The following MRAP2 variants were observed in gnomAD, a reference collection of about 807,000 sequenced individuals.
MRAP2 encodes melanocortin 2 receptor accessory protein 2.
In MRAP2, 20 loss-of-function variants were observed where a neutral mutation model predicts 17.4. The observed-to-expected ratio is 1.15, with a 90% confidence interval of 0.81 to 1.67. The LOEUF is 1.67. Among genes scored for constraint, MRAP2 ranks in the 40% most tolerant of loss-of-function variants. The pLI, the probability that MRAP2 is intolerant of heterozygous loss-of-function variation, is 0.00. For missense variants in MRAP2, 238 were observed against 240.0 expected (o/e 0.99, Z 0.05); for synonymous variants, 96 against 88.4 (o/e 1.09, Z -0.48).
At chr6:84,124,918 G>T in the MRAP2 span, 30 of 667,770 alleles carry the variant, frequency 4.5e-5, no homozygotes, top group African/African-American at 1.1e-4. Context: ...TTTCTTATTG[G>T]TTAAAGGCAA....
chr6:84,080,952 T>A (rs1003330496), intron 3 of MRAP2, among the ~76,000 whole-genome samples: 1 of 152,202 alleles, frequency 6.6e-6, no homozygotes, highest in African/African-American at 2.4e-5. Flanking sequence ...TATATCTAGG[T>A]ACAGTATGTA....
rs902521465 is a variant in MRAP2 at position 84,090,517 on chromosome 6, C to T, written c.*1036C>T. On this transcript the variant is annotated 3_prime_UTR_variant, in exon 4 of 4. Coordinates refer to ENST00000257776, the MANE Select transcript of MRAP2 (RefSeq NM_138409.4). Reference sequence around the variant, plus strand: ...CTTGTCAGCTGAATGAGAGGAGGTGCCTTCTGGGTATCTCTGTGTTGGTGT... The same window carrying T: ...CTTGTCAGCTGAATGAGAGGAGGTGTCTTCTGGGTATCTCTGTGTTGGTGT... The T allele has an allele frequency of 1.3e-5, 2 of 152,196 alleles. No homozygotes were observed. Among genetic ancestry groups the T allele is most frequent in the Non-Finnish European group, 2.9e-5 (2 of 68,072 alleles). 9.4% of individuals were successfully genotyped at this position (152,196 alleles called of 1,614,324 possible).
the MRAP2 span, among the ~76,000 whole-genome samples, chr6:84,135,438 C>T: frequency 8.7e-5 from 13 of 149,008 alleles, no homozygotes; most frequent in Admixed American, 6.0e-4. Context: ...ACAATCTGTG[C>T]GTAGCCCAGA....
chr6:84,125,028 T>A, the MRAP2 span: 1 of 1,445,794 alleles, frequency 6.9e-7, no homozygotes, highest in Admixed American at 1.8e-5. Flanking sequence ...CCCATCCATC[T>A]TCAGGCCTTT....
upstream of MRAP2, chr6:84,033,688 G>A (rs2099485119): frequency 3.0e-6 from 3 of 985,164 alleles, no homozygotes; most frequent in Non-Finnish European, 2.4e-6. Flanking sequence ...CGGCTCCCGC[G>A]CTGCAGCCCT....
intron 3 of MRAP2, 104 bp downstream of exon 3, chr6:84,063,096 G>A: frequency 1.3e-6 from 2 of 1,551,878 alleles, no homozygotes; most frequent in African/African-American, 2.7e-5. Flanking sequence ...TGAAGAGAAG[G>A]GGGTGGTTAT....
At chr6:84,122,634 G>A in the MRAP2 span, among the ~76,000 whole-genome samples, 1 of 152,028 alleles carries the variant, frequency 6.6e-6, no homozygotes, top group Non-Finnish European at 1.5e-5. Flanking sequence ...TACTGCATGG[G>A]TTAAAGTTGA....
intron 3 of MRAP2, among the ~76,000 whole-genome samples, chr6:84,084,913 ATTT>A (rs1562891703): frequency 3.0e-5 from 3 of 98,688 alleles, no homozygotes; most frequent in African/African-American, 9.5e-5. Context: ...ATTTTATTTT[ATTT>A]ATTTATTTTA....
chr6:84,061,394 G>A (rs956080399), intron 2 of MRAP2, among the ~76,000 whole-genome samples: 1 of 152,158 alleles, frequency 6.6e-6, no homozygotes, highest in Non-Finnish European at 1.5e-5. Context: ...AGGCCTTATT[G>A]TGCAAGTACC....
the MRAP2 span, among the ~76,000 whole-genome samples, chr6:84,134,207 C>T: frequency 6.6e-6 from 1 of 152,206 alleles, no homozygotes; most frequent in African/African-American, 2.4e-5. Flanking sequence ...TGCCACTCCC[C>T]CCACCAAGCT....
chr6:84,133,285 C>A, the MRAP2 span, among the ~76,000 whole-genome samples: 1 of 152,176 alleles, frequency 6.6e-6, no homozygotes, highest in Non-Finnish European at 1.5e-5. Context: ...GGAGGTGTCT[C>A]CCAGTTAGGC....
At position 84,033,812 on chromosome 6, in the gene MRAP2, G is replaced by A. The variant is rs2099485186; in HGVS notation, c.-79G>A. On this transcript the variant is annotated 5_prime_UTR_variant, in exon 1 of 4. Transcript: ENST00000257776. ...GGCGGTGGGAGGCGGCGGCGGCGGC[G>A]GCGCTCGCGCACCTCGGAGGAGCCA... The A allele has an allele frequency of 3.0e-6, 3 of 987,518 alleles. No homozygotes were observed. The highest frequency in any genetic ancestry group is 1.1e-4 in the East Asian group (1 of 8,844). The allele number at this position is 987,518 out of a possible 1,614,324, so 61.2% of individuals were successfully genotyped here.
chr6:84,136,879 T>C, the MRAP2 span, among the ~76,000 whole-genome samples: 1 of 152,202 alleles, frequency 6.6e-6, no homozygotes, highest in Non-Finnish European at 1.5e-5. Context: ...TGTTCTCCCC[T>C]TGATAAAGAA....
chr6:84,128,057 G>C, the MRAP2 span, among the ~76,000 whole-genome samples: 1 of 152,286 alleles, frequency 6.6e-6, no homozygotes, highest in East Asian at 1.9e-4. Flanking sequence ...AGCTTCATAA[G>C]AGCAAAGATT....
chr6:84,038,564 T>C (rs1372160286), intron 1 of MRAP2, among the ~76,000 whole-genome samples: 1 of 152,138 alleles, frequency 6.6e-6, no homozygotes, highest in Non-Finnish European at 1.5e-5. Context: ...TGATCACAGC[T>C]CACTGCAGCC....
the MRAP2 span, among the ~76,000 whole-genome samples, chr6:84,107,310 C>T: frequency 6.6e-5 from 10 of 152,100 alleles, no homozygotes; most frequent in Admixed American, 3.3e-4. Context: ...GTTGTAGGAG[C>T]GGCCAGAAGC....
At chr6:84,047,932 A>G (rs931074890) in intron 1 of MRAP2, among the ~76,000 whole-genome samples, 3 of 152,200 alleles carry the variant, frequency 2.0e-5, no homozygotes, top group Middle Eastern at 3.2e-3. Flanking sequence ...ACGTTCATCA[A>G]TGTTGTGGCA....
At chr6:84,078,288 A>C (rs1204392904) in intron 3 of MRAP2, among the ~76,000 whole-genome samples, 1 of 152,250 alleles carries the variant, frequency 6.6e-6, no homozygotes, top group East Asian at 1.9e-4. Context: ...CCACAAGTCA[A>C]GAACAAAAAC....
At chr6:84,044,843 C>T (rs950984541) in intron 1 of MRAP2, among the ~76,000 whole-genome samples, 3 of 152,250 alleles carry the variant, frequency 2.0e-5, no homozygotes, top group East Asian at 1.9e-4. Flanking sequence ...GTAGTACAGT[C>T]GGGGCTCCAC....
Sources: gnomAD v4.1 joint callset for allele counts (sites outside exome capture counted in the v4.1 genomes callset) on GRCh38, gnomAD v4.1.1 for gene constraint, MANE v1.5 for transcripts, NCBI Gene and HGNC (gene_info 2026-07-23, HGNC 2026-07-21) for gene names.